HTR1F: variants seen among roughly 807,000 people sequenced by gnomAD.
HTR1F encodes 5-hydroxytryptamine (serotonin) receptor 1F, G protein-coupled.
A neutral mutation model predicts 24.0 loss-of-function variants in HTR1F; 17 were observed. The ratio of observed to expected loss-of-function variants is 0.71; its 90% CI spans 0.48 to 1.06. The LOEUF (loss-of-function observed/expected upper bound fraction) is 1.06, where lower values mean the gene tolerates loss of function less well. Among genes scored for constraint, HTR1F ranks in the 50% least tolerant of loss-of-function variants. HTR1F has a pLI of 0.00. For synonymous variants in HTR1F, 186 were observed against 156.8 expected, an observed-to-expected ratio of 1.19 and a Z score of -1.39; for missense variants, 391 against 427.8, an observed-to-expected ratio of 0.91 and a Z score of 0.76.
chr3:87,943,556 G>C (rs1461593935), intron 2 of HTR1F, among the ~76,000 whole-genome samples: 2 of 105,200 alleles, frequency 1.9e-5, no homozygotes, highest in African/African-American at 8.1e-5. Flanking sequence ...TGGGTTGAAG[G>C]GGGGTCCTTA....
At chr3:87,794,366 A>T (rs1186585775) in intron 1 of HTR1F, among the ~76,000 whole-genome samples, 1 of 152,134 alleles carries the variant, frequency 6.6e-6, no homozygotes, top group Non-Finnish European at 1.5e-5. Flanking sequence ...CTTTGTTTCA[A>T]AGTGAGTCTT....
chr3:87,839,963 T>G (rs1474364564), intron 2 of HTR1F, among the ~76,000 whole-genome samples: 1 of 152,198 alleles, frequency 6.6e-6, no homozygotes, highest in South Asian at 2.1e-4. Context: ...CTGCATGGTA[T>G]TCCATAGTGT....
At chr3:87,941,920 T>C (rs550202213) in intron 2 of HTR1F, among the ~76,000 whole-genome samples, 9 of 152,244 alleles carry the variant, frequency 5.9e-5, no homozygotes, top group Middle Eastern at 3.4e-3. Context: ...GGCTATTGCA[T>C]GGTTTTACTA....
intron 1 of HTR1F, among the ~76,000 whole-genome samples, chr3:87,804,018 A>C (rs1392573083): frequency 2.6e-5 from 4 of 152,024 alleles, no homozygotes; most frequent in African/African-American, 9.7e-5. Flanking sequence ...CCAGCTATAG[A>C]TTTTGTTGCT....
chr3:87,937,376 T>C (rs922457625), intron 2 of HTR1F, among the ~76,000 whole-genome samples: 1 of 152,120 alleles, frequency 6.6e-6, no homozygotes, highest in African/African-American at 2.4e-5. Context: ...AACGACATGA[T>C]TGTCTCAGTA....
At chr3:87,850,349 A>G (rs1227017538) in intron 2 of HTR1F, among the ~76,000 whole-genome samples, 1 of 151,912 alleles carries the variant, frequency 6.6e-6, no homozygotes, top group African/African-American at 2.4e-5. Context: ...TCAGCAAACT[A>G]TCGCAAGGAC....
At chr3:87,943,164 C>A (rs1053294691) in intron 2 of HTR1F, among the ~76,000 whole-genome samples, 4 of 152,180 alleles carry the variant, frequency 2.6e-5, no homozygotes, top group Non-Finnish European at 5.9e-5. Flanking sequence ...TGCCTGCTGG[C>A]CTGTGGGGAA....
intron 2 of HTR1F, among the ~76,000 whole-genome samples, chr3:87,908,807 A>G (rs1703718264): frequency 6.6e-6 from 1 of 152,104 alleles, no homozygotes; most frequent in Non-Finnish European, 1.5e-5. Flanking sequence ...GCTATTTCTC[A>G]GTGAAAGTGT....
intron 1 of HTR1F, among the ~76,000 whole-genome samples, chr3:87,817,611 C>T (rs1303670439): frequency 6.6e-6 from 1 of 152,144 alleles, no homozygotes; most frequent in African/African-American, 2.4e-5. Flanking sequence ...TGAATATGAA[C>T]TAACCAACAC....
intron 2 of HTR1F, among the ~76,000 whole-genome samples, chr3:87,968,895 TG>T (rs1705224387): frequency 6.6e-6 from 1 of 152,216 alleles, no homozygotes; most frequent in African/African-American, 2.4e-5. Context: ...GTATGCAGCC[TG>T]GGGACTTGGT....
chr3:87,860,071 G>C (rs1270351617), intron 2 of HTR1F, among the ~76,000 whole-genome samples: 2 of 152,188 alleles, frequency 1.3e-5, no homozygotes, highest in Admixed American at 1.3e-4. Context: ...CCTTGGCATT[G>C]AAGGTTACTT....
chr3:87,839,334 T>C (rs1193089621), intron 2 of HTR1F, among the ~76,000 whole-genome samples: 1 of 152,148 alleles, frequency 6.6e-6, no homozygotes, highest in Non-Finnish European at 1.5e-5. Flanking sequence ...GACTTCCCTT[T>C]TCTCAGTTTG....
At chr3:87,792,896 G>A (rs1703839106) in intron 1 of HTR1F, among the ~76,000 whole-genome samples, 54 bp downstream of exon 1, 1 of 152,334 alleles carries the variant, frequency 6.6e-6, no homozygotes, top group Admixed American at 6.5e-5. Flanking sequence ...CCCGCAGCTG[G>A]CGCGCAGGTG....
chr3:87,890,347 A>C (rs1706049211), intron 2 of HTR1F, among the ~76,000 whole-genome samples: 1 of 152,206 alleles, frequency 6.6e-6, no homozygotes, highest in Non-Finnish European at 1.5e-5. Context: ...AGCTTTTATA[A>C]AATTTTTATC....
intron 2 of HTR1F, among the ~76,000 whole-genome samples, chr3:87,904,628 G>C (rs575343378): frequency 6.6e-6 from 1 of 152,104 alleles, no homozygotes; most frequent in Admixed American, 6.6e-5. Flanking sequence ...ATAAACTGTG[G>C]TATGGTCATA....
At chr3:87,910,747 A>T (rs931590003) in intron 2 of HTR1F, among the ~76,000 whole-genome samples, 1 of 152,062 alleles carries the variant, frequency 6.6e-6, no homozygotes, top group African/African-American at 2.4e-5. Context: ...GCAAATTCAA[A>T]AGAACAGAAA....
chr3:87,907,005 A>G (rs1368989781), intron 2 of HTR1F, among the ~76,000 whole-genome samples: 3 of 152,052 alleles, frequency 2.0e-5, no homozygotes, highest in African/African-American at 7.2e-5. Flanking sequence ...TGCATGTGCA[A>G]CTATCTTTTT....
intron 2 of HTR1F, among the ~76,000 whole-genome samples, chr3:87,931,519 G>A (rs1455191180): frequency 1.3e-5 from 2 of 152,176 alleles, no homozygotes; most frequent in Non-Finnish European, 2.9e-5. Context: ...ACGTGTGCAT[G>A]TGTCTTTATA....
At chr3:87,963,491 C>G (rs1230293358) in intron 2 of HTR1F, among the ~76,000 whole-genome samples, 2 of 152,092 alleles carry the variant, frequency 1.3e-5, no homozygotes, top group Admixed American at 1.3e-4. Flanking sequence ...AAAAGTGAAG[C>G]CCCACAAGGA....
Sources: allele counts gnomAD v4.1 joint callset (sites outside exome capture counted in the v4.1 genomes callset), GRCh38; gene constraint gnomAD v4.1.1; transcripts MANE v1.5; gene names NCBI Gene and HGNC (gene_info 2026-07-23, HGNC 2026-07-21).